AHCY: variants seen among roughly 807,000 people sequenced by gnomAD.
AHCY encodes S-adenosyl-L-homocysteine hydrolase.
Under a neutral mutation model 45.4 loss-of-function variants are expected in AHCY, and 24 were observed. The ratio of observed to expected loss-of-function variants is 0.53; its 90% CI spans 0.38 to 0.74. The LOEUF is 0.74. Ranked by LOEUF, AHCY falls within the 30% of genes least tolerant of loss-of-function variation. AHCY has a pLI of 0.00. For missense variants in AHCY, 449 were observed against 594.1 expected, an observed-to-expected ratio of 0.76 and a Z score of 2.54; for synonymous variants, 245 against 235.1, an observed-to-expected ratio of 1.04 and a Z score of -0.39.
At chr20:34,305,853 G>A (rs1490642426), upstream of AHCY, among the ~76,000 whole-genome samples, 1 of 152,086 alleles carries the variant, frequency 6.6e-6, no homozygotes, top group East Asian at 1.9e-4. Context: ...AAGCCGGGGC[G>A]AGTGGATCAC....
intron 1 of AHCY, among the ~76,000 whole-genome samples, chr20:34,298,611 G>T (rs993712163): frequency 2.5e-5 from 3 of 121,394 alleles, no homozygotes; most frequent in African/African-American, 6.5e-5. Flanking sequence ...GCGGCGGGAG[G>T]GGGGGGGGTG....
chr20:34,258,829 GTAT>G, the AHCY span, among the ~76,000 whole-genome samples: 4 of 110,164 alleles, frequency 3.6e-5, no homozygotes, highest in Admixed American at 1.2e-4. Flanking sequence ...ACTATATATA[GTAT>G]TATATATATA....
chr20:34,261,792 C>T, the AHCY span, among the ~76,000 whole-genome samples: 2 of 150,916 alleles, frequency 1.3e-5, no homozygotes, highest in Admixed American at 1.3e-4. Context: ...ACAGACAGAC[C>T]CTGACTCAAA....
the AHCY span, among the ~76,000 whole-genome samples, chr20:34,257,155 C>T: frequency 1.3e-5 from 2 of 151,154 alleles, no homozygotes; most frequent in South Asian, 4.2e-4. Context: ...ACGATCTCAG[C>T]TCACTGCAAC....
At chr20:34,245,193 G>A in the AHCY span, among the ~76,000 whole-genome samples, 1 of 151,338 alleles carries the variant, frequency 6.6e-6, no homozygotes, top group Non-Finnish European at 1.5e-5. Context: ...AATTAGCTGG[G>A]CGTGGTGGCA....
chr20:34,308,776 C>T (rs1465376541), intron 1 of AHCY, among the ~76,000 whole-genome samples: 1 of 151,190 alleles, frequency 6.6e-6, no homozygotes, highest in Admixed American at 6.6e-5. Flanking sequence ...GCCTCAGCCT[C>T]CTGAGTAGCT....
At chr20:34,252,486 G>A in the AHCY span, among the ~76,000 whole-genome samples, 3 of 152,310 alleles carry the variant, frequency 2.0e-5, no homozygotes, top group African/African-American at 7.2e-5. Flanking sequence ...AAGAGTAACA[G>A]AGCAGTATTG....
the AHCY span, chr20:34,269,067 G>A: frequency 1.3e-6 from 2 of 1,586,748 alleles, no homozygotes; most frequent in Non-Finnish European, 8.6e-7. Context: ...CGCAACAGCT[G>A]CAAGCCGCCG....
intron 1 of AHCY, among the ~76,000 whole-genome samples, chr20:34,309,284 G>A (rs934537202): frequency 2.0e-5 from 3 of 152,102 alleles, no homozygotes; most frequent in Non-Finnish European, 4.4e-5. Context: ...CTATCTATTA[G>A]TTTTTGCTTC....
chr20:34,277,579 C>A (rs1174132596), downstream of AHCY, among the ~76,000 whole-genome samples: 3 of 151,720 alleles, frequency 2.0e-5, no homozygotes, highest in Non-Finnish European at 4.4e-5. Flanking sequence ...CACGGTGAAA[C>A]CCCATCTCTA....
At chr20:34,272,748 G>A in the AHCY span, among the ~76,000 whole-genome samples, 1 of 152,150 alleles carries the variant, frequency 6.6e-6, no homozygotes, top group East Asian at 1.9e-4. Flanking sequence ...GCCAGGCATG[G>A]TGGCACAAGC....
the AHCY span, among the ~76,000 whole-genome samples, chr20:34,252,929 A>G: frequency 2.0e-5 from 3 of 152,188 alleles, no homozygotes; most frequent in Admixed American, 6.5e-5. Context: ...GCACAGCCCT[A>G]AATCCATTAA....
chr20:34,240,008 G>T, the AHCY span, among the ~76,000 whole-genome samples: 1 of 152,202 alleles, frequency 6.6e-6, no homozygotes, highest in South Asian at 2.1e-4. Flanking sequence ...AGCAAGGATT[G>T]CAGTTTGAGG....
intron 1 of AHCY, among the ~76,000 whole-genome samples, chr20:34,298,255 T>C (rs547839834): frequency 2.0e-5 from 3 of 152,258 alleles, no homozygotes; most frequent in African/African-American, 7.2e-5. Context: ...ACAAGAATAG[T>C]TATACTAGAT....
At chr20:34,265,671 C>T in the AHCY span, among the ~76,000 whole-genome samples, 1 of 152,004 alleles carries the variant, frequency 6.6e-6, no homozygotes, top group Non-Finnish European at 1.5e-5. Context: ...TAAAGTTGGC[C>T]GGGCACAGTG....
intron 1 of AHCY, among the ~76,000 whole-genome samples, chr20:34,308,836 T>C (rs1037157287): frequency 1.3e-5 from 2 of 151,866 alleles, no homozygotes; most frequent in Non-Finnish European, 2.9e-5. Context: ...ATATTTTTAG[T>C]AGAGACGGGG....
At chr20:34,246,279 C>G in the AHCY span, 9 of 1,541,724 alleles carry the variant, frequency 5.8e-6, no homozygotes, top group Non-Finnish European at 7.8e-6. Context: ...TCCTCTTCTT[C>G]CCCTGCTGTT....
At chr20:34,235,844 G>GAAAGAAAGAAAGAAA in the AHCY span, among the ~76,000 whole-genome samples, 16 of 26,022 alleles carry the variant, frequency 6.1e-4, no homozygotes, top group South Asian at 2.0e-3. Context: ...AAAGAAAGAA[G>GAAAGAAAGAAAGAAA]GAAGGAAGGA....
At chr20:34,239,111 C>A in the AHCY span, among the ~76,000 whole-genome samples, 2 of 152,316 alleles carry the variant, frequency 1.3e-5, no homozygotes, top group South Asian at 2.1e-4. Context: ...AACTTGATAT[C>A]TTTTCTGCTT....
Sources: allele counts gnomAD v4.1 joint callset (sites outside exome capture counted in the v4.1 genomes callset), GRCh38; gene constraint gnomAD v4.1.1; transcripts MANE v1.5; gene names NCBI Gene and HGNC (gene_info 2026-07-23, HGNC 2026-07-21).